The following CACNA1I variants were observed in gnomAD, a reference collection of about 807,000 sequenced individuals.
CACNA1I encodes calcium voltage-gated channel subunit alpha1 I, also known as voltage-dependent T-type calcium channel subunit alpha-1I.
Under a neutral mutation model 201.6 loss-of-function variants are expected in CACNA1I, and 74 were observed. That is an observed-to-expected ratio of 0.37 (90% confidence interval 0.30 to 0.45). CACNA1I has a LOEUF of 0.45. Ranked by LOEUF, CACNA1I falls within the 20% of genes least tolerant of loss-of-function variation. The probability of loss-of-function intolerance (pLI) is 1.00; values close to 1 mark genes in which losing one functional copy is unlikely to be tolerated. For synonymous variants in CACNA1I, 1,431 were observed against 1,345.2 expected, an observed-to-expected ratio of 1.06 and a Z score of -1.40; for missense variants, 2,346 against 3,138.1, an observed-to-expected ratio of 0.75 and a Z score of 6.03.
At chr22:39,592,484 C>T (rs193161965) in intron 1 of CACNA1I, among the ~76,000 whole-genome samples, 2 of 152,190 alleles carry the variant, frequency 1.3e-5, no homozygotes, top group African/African-American at 4.8e-5. Flanking sequence ...GGAGCCGTTG[C>T]TCTCTAACGA....
At position 39,592,838 on chromosome 22, in the gene CACNA1I, A is replaced by G. The variant is rs117871148; in HGVS notation, c.237-5313A>G. On this transcript the variant is annotated intron_variant, in intron 1 of 36. Coordinates refer to ENST00000402142, the MANE Select transcript of CACNA1I (RefSeq NM_021096.4). ...GTCAGGCCAGGCTGCAGAGTGGCTCAAGCCGGAGACCTTGACTCCCCCCGC... is the reference window on the plus strand; with the variant it reads ...GTCAGGCCAGGCTGCAGAGTGGCTCGAGCCGGAGACCTTGACTCCCCCCGC... 2.0e-3 allele frequency among the ~76,000 whole-genome samples: 310 copies of G among 152,324 alleles called. 15 individuals carry two copies. In the East Asian group the frequency reaches 0.04, roughly 19 times the overall value.
chr22:39,679,814 C>T lies in CACNA1I; in HGVS notation c.5487C>T (p.Phe1829=). 6.2e-7 allele frequency: 1 copy of T among 1,613,156 alleles called. No homozygotes were observed. The highest frequency in any genetic ancestry group is 8.5e-7 in the Non-Finnish European group (1 of 1,179,632). Residue 1829 remains phenylalanine (F), a synonymous_variant, in exon 33 of 37, where the codon TTC becomes TTT. Coordinates refer to ENST00000402142, the MANE Select transcript of CACNA1I (RefSeq NM_021096.4). Reference sequence around the variant, plus strand: ...TCGACAACCTGTCGGGCTCCATCTTCCACCACTACTCCTCGCCTGCCGGCT... The same window carrying T: ...TCGACAACCTGTCGGGCTCCATCTTTCACCACTACTCCTCGCCTGCCGGCT... ...TIIDNLSGSI[F]HHYSSPAGCK... is the part of the protein sequence containing the mutation.
At chr22:39,625,792 G>A (rs1933883437) in intron 4 of CACNA1I, among the ~76,000 whole-genome samples, 1 of 152,024 alleles carries the variant, frequency 6.6e-6, no homozygotes. Context: ...CCTCTCTCTG[G>A]GCCTTGGCAA....
At chr22:39,600,749 T>A in intron 3 of CACNA1I, 96 bp downstream of exon 3, 2 of 1,400,712 alleles carry the variant, frequency 1.4e-6, no homozygotes, top group African/African-American at 1.5e-5. Flanking sequence ...TGAAGGGGAA[T>A]CACGGTGATG....
At position 39,662,243 on chromosome 22, in the gene CACNA1I, C is replaced by T; in HGVS notation, c.3180C>T (p.Asp1060=). ...ACCACCGCCGGACGCTGTCCCTCGA[C>T]AACAGGGACTCGGTGGACCTGGCCG... The part of the protein sequence containing the change: ...HRHHRRTLSL[D]NRDSVDLAEL... The change falls in exon 17 of 37, where the codon GAC becomes GAT. Residue 1060 remains aspartate, a synonymous_variant. Transcript: ENST00000402142. 6.5e-7 allele frequency: 1 copy of T among 1,528,722 alleles called. No individual in the cohort carries two copies. Among genetic ancestry groups the T allele is most frequent in the Non-Finnish European group, 8.8e-7 (1 of 1,142,314 alleles). 94.7% of individuals were successfully genotyped at this position (1,528,722 alleles called of 1,614,324 possible). A position where few individuals can be genotyped will look rare whatever the true frequency, so the allele number is the denominator to read the frequency against.
chr22:39,664,627 T>TC (rs1247329762), intron 20 of CACNA1I, 112 bp from the exon 21 acceptor site: 18 of 119,648 alleles, frequency 1.5e-4, no homozygotes, highest in African/African-American at 2.6e-4. Flanking sequence ...CCCCGCCCCC[T>TC]CCCCGAAGCC....
At chr22:39,589,429 C>T (rs781717892) in intron 1 of CACNA1I, among the ~76,000 whole-genome samples, 12 of 152,220 alleles carry the variant, frequency 7.9e-5, no homozygotes, top group Non-Finnish European at 1.3e-4. Context: ...ATTGAATAAA[C>T]GAATGAACGA....
At chr22:39,637,769 A>AT (rs966861479) in intron 5 of CACNA1I, among the ~76,000 whole-genome samples, 1 of 152,120 alleles carries the variant, frequency 6.6e-6, no homozygotes, top group African/African-American at 2.4e-5. Flanking sequence ...TTTATCAATC[A>AT]TTTTTTTAGC....
intron 4 of CACNA1I, among the ~76,000 whole-genome samples, chr22:39,622,744 C>T (rs1298858645): frequency 1.3e-5 from 2 of 150,028 alleles, no homozygotes; most frequent in African/African-American, 4.9e-5. Flanking sequence ...TGGGCCCAGT[C>T]CAGGTCCTCC....
Position 39,684,227 on chromosome 22 carries a change from C to T in CACNA1I, c.5831-75C>T. Reference sequence around the variant, plus strand: ...CACTGCTGGCCCAGTGAGATTGGTGCTCAATGCCACCTTCCAGGGGCTGCC... The same window carrying T: ...CACTGCTGGCCCAGTGAGATTGGTGTTCAATGCCACCTTCCAGGGGCTGCC... On this transcript the variant is annotated intron_variant, in intron 35 of 36. Coordinates refer to ENST00000402142, the MANE Select transcript of CACNA1I (RefSeq NM_021096.4). The surrounding 1 kb of genome is among the most constrained non-coding windows in gnomAD (Gnocchi z 4.6). 7.5e-7 allele frequency: 1 copy of T among 1,331,120 alleles called. No homozygotes were observed. Among genetic ancestry groups the T allele is most frequent in the Non-Finnish European group, 1.1e-6 (1 of 943,956 alleles). 82.5% of individuals were successfully genotyped at this position (1,331,120 alleles called of 1,614,324 possible). A position where few individuals can be genotyped will look rare whatever the true frequency, so the allele number is the denominator to read the frequency against.
Position 39,642,786 on chromosome 22 carries a change from G to C in CACNA1I, c.1057-11G>C. 1.3e-6 allele frequency: 2 copies of C among 1,598,266 alleles called. No homozygotes were observed. Among genetic ancestry groups the C allele is most frequent in the Non-Finnish European group, 1.7e-6 (2 of 1,170,622 alleles). On this transcript the variant is annotated splice_polypyrimidine_tract_variant and intron_variant, in intron 6 of 36. Coordinates refer to ENST00000402142, the MANE Select transcript of CACNA1I (RefSeq NM_021096.4). ...CAGTCCTCTCGGCTCTCTCTCCTCTGCGCGCTGCAGGTGATCACTCTGGAA... is the reference window on the plus strand; with the variant it reads ...CAGTCCTCTCGGCTCTCTCTCCTCTCCGCGCTGCAGGTGATCACTCTGGAA...
chr22:39,602,749 G>A (rs1028773723), intron 3 of CACNA1I, among the ~76,000 whole-genome samples: 9 of 151,968 alleles, frequency 5.9e-5, no homozygotes, highest in Non-Finnish European at 1.3e-4. Flanking sequence ...CCTCTTTCTC[G>A]GAAGATGACC....
rs566579688 is a variant in CACNA1I, at chr22:39,596,816, G to A, written c.237-1335G>A. Among the ~76,000 whole-genome samples the A allele has an allele frequency of 1.6e-3, 251 of 152,204 alleles. 1 individual carries two copies. The highest frequency in any genetic ancestry group is 5.5e-3 in the African/African-American group (228 of 41,510). On this transcript the variant is annotated intron_variant, in intron 1 of 36. Coordinates refer to ENST00000402142, the MANE Select transcript of CACNA1I (RefSeq NM_021096.4). ...GACAAGGAGGGGCTTGCCGAAGACC[G>A]CAGAGCCAGTCAGTGCTGGGACGAG...
rs1313894195 is a variant in CACNA1I, at chr22:39,685,883, G to A, written c.6150G>A (p.Ala2050=). ...CCCGGCGTGCCCTGGGGCCGCCCGCGCCTGCTCCAGGACCCCGGGCCGGCC... is the reference window on the plus strand; with the variant it reads ...CCCGGCGTGCCCTGGGGCCGCCCGCACCTGCTCCAGGACCCCGGGCCGGCC... The part of the protein sequence containing the change: ...DSPRRALGPP[A]PAPGPRAGLS... The change falls in exon 37 of 37, where the codon GCG becomes GCA. Residue 2050 remains alanine (A), a synonymous_variant. Transcript: ENST00000402142. The surrounding 1 kb of genome is among the most constrained non-coding windows in gnomAD (Gnocchi z 5.0). 2.1e-6 allele frequency: 3 copies of A among 1,457,144 alleles called. No individual in the cohort carries two copies. Among genetic ancestry groups the A allele is most frequent in the Admixed American group, 2.5e-5 (1 of 39,226 alleles). 90.3% of individuals were successfully genotyped at this position (1,457,144 alleles called of 1,614,324 possible).
At chr22:39,607,829 A>T (rs1933261743) in intron 3 of CACNA1I, among the ~76,000 whole-genome samples, 1 of 151,916 alleles carries the variant, frequency 6.6e-6, no homozygotes, top group Non-Finnish European at 1.5e-5. Context: ...TGTCTACTAA[A>T]AATACAAAAA....
intron 10 of CACNA1I, among the ~76,000 whole-genome samples, chr22:39,650,226 A>C (rs1263277548): frequency 6.6e-6 from 1 of 151,958 alleles, no homozygotes; most frequent in East Asian, 1.9e-4. Context: ...TACCAAGGCA[A>C]CCACAGCGCA....
intron 4 of CACNA1I, among the ~76,000 whole-genome samples, chr22:39,624,097 A>AGTGTGTATGTCTCTGTGAGGGT: frequency 7.1e-6 from 1 of 139,892 alleles, no homozygotes; most frequent in Non-Finnish European, 1.5e-5. Flanking sequence ...GTGTGTGAAG[A>AGTGTGTATGTCTCTGTGAGGGT]GTGTGTATGT....
chr22:39,675,613 T>C (rs1347032850), intron 29 of CACNA1I, among the ~76,000 whole-genome samples: 1 of 152,250 alleles, frequency 6.6e-6, no homozygotes, highest in Non-Finnish European at 1.5e-5. Context: ...TGTTGTTGTA[T>C]GGACATTGGC....
rs1332059603 is a variant in CACNA1I, at chr22:39,600,578, C to T, written c.407C>T (p.Ala136Val). ...ATGGAGATGGTGCTCAAGATGGTGGCCCTGGGGATTTTTGGCAAGAAGTGC... is the reference window on the plus strand; with the variant it reads ...ATGGAGATGGTGCTCAAGATGGTGGTCCTGGGGATTTTTGGCAAGAAGTGC... ...FAMEMVLKMV[A>V]LGIFGKKCYL... The change falls in exon 3 of 37, where the codon GCC (alanine) becomes GTC (valine). Residue 136 changes from alanine to valine, a missense_variant. Ala to Val is a moderately conservative substitution (Grantham distance 64, BLOSUM62 0). Around this residue, in one of 13 missense-constraint regions of CACNA1I, gnomAD observed 227 missense variants for 412.5 expected, o/e 0.55. Coordinates refer to ENST00000402142, the MANE Select transcript of CACNA1I (RefSeq NM_021096.4). 6.2e-7 allele frequency: 1 copy of T among 1,611,938 alleles called. No homozygotes were observed. Among genetic ancestry groups the T allele is most frequent in the South Asian group, 1.1e-5 (1 of 90,552 alleles).
Sources: gnomAD v4.1 joint callset for allele counts (sites outside exome capture counted in the v4.1 genomes callset) on GRCh38, gnomAD v4.1.1 for gene constraint, gnomAD v4.1.1 regional missense constraint, Gnocchi (gnomAD v3.1) non-coding constraint, MANE v1.5 for transcripts, NCBI Gene and HGNC (gene_info 2026-07-23, HGNC 2026-07-21) for gene names.